ANKS1B: variants seen among roughly 807,000 people sequenced by gnomAD.
ANKS1B encodes ankyrin repeat and sterile alpha motif domain-containing protein 1B.
Under a neutral mutation model 148.3 loss-of-function variants are expected in ANKS1B, and 36 were observed. The ratio of observed to expected loss-of-function variants is 0.24; its 90% confidence interval spans 0.19 to 0.32. ANKS1B has a LOEUF of 0.32. Among genes scored for constraint, ANKS1B ranks in the 10% least tolerant of loss-of-function variants. ANKS1B has a pLI of 1.00. For missense variants in ANKS1B, 1,157 were observed against 1,542.6 expected (o/e 0.75, Z 4.19); for synonymous variants, 542 against 560.8 (o/e 0.97, Z 0.47).
chr12:99,045,801 T>C (rs1216672270), intron 17 of ANKS1B, among the ~76,000 whole-genome samples: 7 of 152,112 alleles, frequency 4.6e-5, no homozygotes, highest in Non-Finnish European at 5.9e-5. Context: ...TTGCCTGCAA[T>C]TGCCCCTGAG....
intron 15 of ANKS1B, among the ~76,000 whole-genome samples, chr12:99,096,597 A>C (rs1161857480): frequency 6.6e-6 from 1 of 152,176 alleles, no homozygotes; most frequent in Non-Finnish European, 1.5e-5. Flanking sequence ...GGCTAGGGCC[A>C]CTAATTGTCC....
chr12:98,781,400 A>C (rs1480204516), intron 23 of ANKS1B, 197 bp from the exon 24 acceptor site: 9 of 657,772 alleles, frequency 1.4e-5, no homozygotes. Flanking sequence ...TCTTGGGCTT[A>C]GCTATACTTC....
intron 1 of ANKS1B, among the ~76,000 whole-genome samples, chr12:99,946,163 A>G (rs1362437060): frequency 6.6e-6 from 1 of 152,178 alleles, no homozygotes; most frequent in Non-Finnish European, 1.5e-5. Context: ...GAAAGAGTAG[A>G]CATTCTTGCT....
At chr12:99,675,938 G>A (rs1028140075) in intron 8 of ANKS1B, among the ~76,000 whole-genome samples, 7 of 152,070 alleles carry the variant, frequency 4.6e-5, no homozygotes, top group African/African-American at 1.7e-4. Context: ...AGTGACTTGT[G>A]ATAGGGTTTG....
intron 2 of ANKS1B, among the ~76,000 whole-genome samples, chr12:99,820,984 T>A (rs1475606432): frequency 6.6e-6 from 1 of 152,012 alleles, no homozygotes; most frequent in Non-Finnish European, 1.5e-5. Flanking sequence ...GTAGAAAAAG[T>A]GATCTCTAAC....
chr12:99,864,163 C>T (rs2090431593), intron 1 of ANKS1B, among the ~76,000 whole-genome samples: 1 of 151,596 alleles, frequency 6.6e-6, no homozygotes, highest in Non-Finnish European at 1.5e-5. Context: ...ATTACCCAGG[C>T]CTCTCACTTA....
At position 99,470,056 on chromosome 12, in the gene ANKS1B, C is replaced by T. The variant is rs143882150; in HGVS notation, c.1439-26247G>A. 4.7e-3 allele frequency among the ~76,000 whole-genome samples: 708 copies of T among 151,686 alleles called. 9 individuals are homozygous for T. The highest frequency in any genetic ancestry group is 0.015 in the African/African-American group (607 of 41,358). On this transcript the variant is annotated intron_variant, in intron 10 of 26. Coordinates refer to ENST00000683438, the MANE Select transcript of ANKS1B (RefSeq NM_001352186.2). ...ATCACTTGAGCTCAGGAGTTTTAGG[C>T]GGCCGTGAGTTATGATTATCCCACT...
intron 8 of ANKS1B, among the ~76,000 whole-genome samples, chr12:99,708,514 C>T (rs1432601602): frequency 6.6e-6 from 1 of 152,130 alleles, no homozygotes; most frequent in Non-Finnish European, 1.5e-5. Flanking sequence ...GGGCTGCCTC[C>T]TCTAGAGGAT....
At chr12:99,568,297 ATC>A (rs2153220064) in intron 9 of ANKS1B, among the ~76,000 whole-genome samples, 1 of 152,164 alleles carries the variant, frequency 6.6e-6, no homozygotes, top group South Asian at 2.1e-4. Context: ...TCATTTTCAA[ATC>A]TCTCTCCTAC....
chr12:99,226,770 G>A (rs747723047), intron 14 of ANKS1B, among the ~76,000 whole-genome samples: 12 of 152,246 alleles, frequency 7.9e-5, no homozygotes, highest in East Asian at 5.8e-4. Context: ...TTTTTGTACC[G>A]TCAATAAAAC....
At chr12:99,674,094 T>A (rs1311456269) in intron 8 of ANKS1B, among the ~76,000 whole-genome samples, 1 of 151,780 alleles carries the variant, frequency 6.6e-6, no homozygotes, top group East Asian at 1.9e-4. Context: ...ATAAAACTAA[T>A]TATGAAATAA....
intron 22 of ANKS1B, among the ~76,000 whole-genome samples, chr12:98,790,687 C>G (rs1034769506): frequency 1.3e-5 from 2 of 151,760 alleles, no homozygotes; most frequent in African/African-American, 4.8e-5. Context: ...AAGCAAAGCA[C>G]TGGCAAAAGA....
chr12:99,775,662 C>A lies in ANKS1B; in HGVS notation c.848-1G>T. 6.4e-7 allele frequency: 1 copy of A among 1,554,304 alleles called. No individual in the cohort carries two copies. The highest frequency in any genetic ancestry group is 8.8e-7 in the Non-Finnish European group (1 of 1,132,728). On this transcript the variant is annotated splice_acceptor_variant, in intron 6 of 26. Coordinates refer to ENST00000683438, the MANE Select transcript of ANKS1B (RefSeq NM_001352186.2). LOFTEE classifies it high-confidence loss of function. ...GATCTTCCCACGCCTTCTAAATACT[C>A]TGTGTGTATACATTTTTGAGATTAC...
intron 9 of ANKS1B, among the ~76,000 whole-genome samples, chr12:99,541,200 A>G (rs1251813632): frequency 6.6e-6 from 1 of 152,210 alleles, no homozygotes; most frequent in Non-Finnish European, 1.5e-5. Flanking sequence ...TAAAGAAGAC[A>G]ATAACAATCC....
downstream of ANKS1B, among the ~76,000 whole-genome samples, chr12:98,743,408 C>G (rs1395936865): frequency 6.6e-6 from 1 of 152,092 alleles, no homozygotes; most frequent in Admixed American, 6.6e-5. Flanking sequence ...AATTCAAGTC[C>G]TTTTTTGAGT....
chr12:99,596,782 T>A (rs1232259483), intron 9 of ANKS1B, among the ~76,000 whole-genome samples: 1 of 151,974 alleles, frequency 6.6e-6, no homozygotes, highest in African/African-American at 2.4e-5. Context: ...TTCTGGACTT[T>A]ACTCATGTAG....
At chr12:98,888,451 C>T (rs2099745134) in intron 17 of ANKS1B, among the ~76,000 whole-genome samples, 1 of 152,184 alleles carries the variant, frequency 6.6e-6, no homozygotes, top group Non-Finnish European at 1.5e-5. Flanking sequence ...TACACAGCAG[C>T]CAGGGTGTGC....
chr12:98,906,214 C>G (rs1044193085), intron 17 of ANKS1B, among the ~76,000 whole-genome samples: 3 of 152,290 alleles, frequency 2.0e-5, no homozygotes, highest in East Asian at 1.9e-4. Flanking sequence ...AATAACTGCT[C>G]TATTCCAAAT....
At chr12:99,874,000 ATC>A (rs142537166) in intron 1 of ANKS1B, among the ~76,000 whole-genome samples, 2,081 of 136,678 alleles carry the variant, frequency 0.015, 85 homozygotes, top group African/African-American at 0.061. Flanking sequence ...AAATAAATAA[ATC>A]TCTCTCTCTC....
Sources: gnomAD v4.1 joint callset for allele counts (sites outside exome capture counted in the v4.1 genomes callset) on GRCh38, gnomAD v4.1.1 for gene constraint, MANE v1.5 for transcripts, NCBI Gene and HGNC (gene_info 2026-07-23, HGNC 2026-07-21) for gene names.